TRDN: variants seen among roughly 807,000 people sequenced by gnomAD.
TRDN encodes triadin in skeletal muscle.
In TRDN, 161 loss-of-function variants were observed where a neutral mutation model predicts 149.7. The observed-to-expected ratio is 1.08, with a 90% CI of 0.95 to 1.23. TRDN has a LOEUF of 1.23. Ranked by LOEUF, TRDN falls within the 50% of genes most tolerant of loss-of-function variation. The pLI is 0.00. For missense variants in TRDN, 896 were observed against 823.5 expected, an observed-to-expected ratio of 1.09 and a Z score of -1.08; for synonymous variants, 294 against 250.5, an observed-to-expected ratio of 1.17 and a Z score of -1.64.
Position 123,540,663 on chromosome 6 carries a change from C to T in TRDN, c.424+6677G>A, listed in dbSNP as rs562163879. Among the ~76,000 whole-genome samples the T allele has an allele frequency of 2.0e-5, 3 of 152,210 alleles. No individual in the cohort carries two copies. The South Asian group carries it at 6.2e-4, about 32-fold the overall frequency. ...GCCTCCGAGTAGCTGGGACTACAAG[C>T]GCCCGCCACGACGCCTGGCTAATTT... On this transcript the variant is annotated intron_variant, in intron 4 of 40. Transcript: ENST00000334268.
At chr6:123,265,414 T>C in intron 32 of TRDN, 76 bp from the exon 33 acceptor site, 1 of 952,922 alleles carries the variant, frequency 1.0e-6, no homozygotes, top group Non-Finnish European at 1.5e-6. Flanking sequence ...GCCCTTTATA[T>C]TTCCTATTTT....
At chr6:123,416,488 A>C (rs1416373506) in intron 12 of TRDN, among the ~76,000 whole-genome samples, 3 of 152,158 alleles carry the variant, frequency 2.0e-5, no homozygotes, top group Non-Finnish European at 4.4e-5. Flanking sequence ...CTCTGTTCAG[A>C]TAGCATCTCC....
intron 23 of TRDN, among the ~76,000 whole-genome samples, chr6:123,329,489 G>T (rs1384889414): frequency 1.3e-5 from 2 of 152,038 alleles, no homozygotes; most frequent in East Asian, 3.9e-4. Context: ...TGTGTGAGAT[G>T]GTGGTGATCC....
At chr6:123,442,959 T>TTG (rs1443180034) in intron 10 of TRDN, among the ~76,000 whole-genome samples, 9 of 152,096 alleles carry the variant, frequency 5.9e-5, no homozygotes, top group South Asian at 2.1e-4. Context: ...TAGATGAATG[T>TTG]TGTATCTTCT....
intron 14 of TRDN, among the ~76,000 whole-genome samples, chr6:123,384,735 G>T (rs934509011): frequency 1.3e-5 from 2 of 152,086 alleles, no homozygotes; most frequent in Non-Finnish European, 2.9e-5. Flanking sequence ...AACTCAAAAT[G>T]TCATGATAAA....
intron 20 of TRDN, among the ~76,000 whole-genome samples, chr6:123,353,112 T>C (rs1780529588): frequency 6.6e-6 from 1 of 151,846 alleles, no homozygotes; most frequent in Admixed American, 6.6e-5. Context: ...TTGCTCTCAG[T>C]GAAGTATTCA....
At chr6:123,636,710 A>AT (rs761051899) in intron 1 of TRDN, 44 bp downstream of exon 1, 17 of 1,605,246 alleles carry the variant, frequency 1.1e-5, no homozygotes, top group South Asian at 5.5e-5. Flanking sequence ...CGATTTGCAT[A>AT]TTTTTTTTCC....
At chr6:123,534,040 AAACT>A (rs1315763915) in intron 4 of TRDN, among the ~76,000 whole-genome samples, 1 of 152,086 alleles carries the variant, frequency 6.6e-6, no homozygotes, top group Non-Finnish European at 1.5e-5. Flanking sequence ...GCCTTAGAAC[AAACT>A]AAGACAACCT....
chr6:123,370,459 T>C (rs1480026132), intron 19 of TRDN, among the ~76,000 whole-genome samples: 1 of 152,164 alleles, frequency 6.6e-6, no homozygotes, highest in East Asian at 1.9e-4. Context: ...CATTCCAATG[T>C]TTGGTCTACA....
At chr6:123,596,826 A>G (rs887858810) in intron 1 of TRDN, among the ~76,000 whole-genome samples, 1 of 152,070 alleles carries the variant, frequency 6.6e-6, no homozygotes, top group African/African-American at 2.4e-5. Flanking sequence ...TTACTCAGAA[A>G]AAATATATGT....
At chr6:123,516,353 TAA>T in intron 5 of TRDN, 147 bp from the exon 6 acceptor site, 1 of 1,000,540 alleles carries the variant, frequency 1.0e-6, no homozygotes, top group Non-Finnish European at 1.3e-6. Flanking sequence ...GTTAGAGGTT[TAA>T]ACTTCAAGAT....
chr6:123,475,123 GT>G (rs1777403115), intron 9 of TRDN, among the ~76,000 whole-genome samples: 1 of 151,342 alleles, frequency 6.6e-6, no homozygotes, highest in Non-Finnish European at 1.5e-5. Flanking sequence ...CCAGGAGCTG[GT>G]TTTTTGAAAG....
At chr6:123,350,932 TCC>T (rs1414602989) in intron 21 of TRDN, 3 of 984,928 alleles carry the variant, frequency 3.0e-6, no homozygotes, top group Non-Finnish European at 1.2e-6. Flanking sequence ...CAGTCTCTTG[TCC>T]ACTAGAGGAG....
chr6:123,233,810 A>ATT (rs5879667), intron 38 of TRDN, among the ~76,000 whole-genome samples: 1 of 151,916 alleles, frequency 6.6e-6, no homozygotes, highest in African/African-American at 2.4e-5. Flanking sequence ...TTTTCTCTTT[A>ATT]TTTTTTTATT....
At chr6:123,528,712 T>G in intron 5 of TRDN, 1 of 987,806 alleles carries the variant, frequency 1.0e-6, no homozygotes, top group Non-Finnish European at 1.2e-6. Flanking sequence ...TTCACTGAAC[T>G]ATTTGAGAAT....
At position 123,316,325 on chromosome 6, in the gene TRDN, A is replaced by G; in HGVS notation, c.1510+132T>C. Reference sequence around the variant, plus strand: ...ATTACTTGTAAAATATATGGCACATAGCATCAGTATTTTTTTAATGTTTTG... The same window carrying G: ...ATTACTTGTAAAATATATGGCACATGGCATCAGTATTTTTTTAATGTTTTG... On this transcript the variant is annotated intron_variant, in intron 24 of 40. Coordinates refer to ENST00000334268, the MANE Select transcript of TRDN (RefSeq NM_006073.4). 1.1e-5 allele frequency: 9 copies of G among 817,994 alleles called. 1 individual carries two copies. The South Asian group carries it at 1.2e-4, about 11-fold the overall frequency. 50.7% of individuals were successfully genotyped at this position (817,994 alleles called of 1,614,324 possible).
chr6:123,295,935 A>T (rs1390130596), intron 24 of TRDN, among the ~76,000 whole-genome samples: 1 of 152,042 alleles, frequency 6.6e-6, no homozygotes, highest in Admixed American at 6.6e-5. Context: ...ACTGCATTCC[A>T]GCCTGGGTGA....
At chr6:123,436,607 T>C (rs753179936) in intron 12 of TRDN, among the ~76,000 whole-genome samples, 7 of 152,080 alleles carry the variant, frequency 4.6e-5, no homozygotes, top group Non-Finnish European at 7.4e-5. Context: ...CTCACCACCA[T>C]CATTTTTTCC....
At chr6:123,439,747 T>A (rs1774770399) in intron 10 of TRDN, 1 of 152,250 alleles carries the variant, frequency 6.6e-6, no homozygotes, top group Non-Finnish European at 1.5e-5. Flanking sequence ...CATAGCCACA[T>A]AGCAGGTGGA....
Sources: gnomAD v4.1 joint callset for allele counts (sites outside exome capture counted in the v4.1 genomes callset) on GRCh38, gnomAD v4.1.1 for gene constraint, MANE v1.5 for transcripts, NCBI Gene and HGNC (gene_info 2026-07-23, HGNC 2026-07-21) for gene names.